Variants in WDR27 observed in about 807,000 individuals in gnomAD.
WDR27 encodes the protein WD repeat domain 27, also known as WD repeat-containing protein 27.
WDR27 carries 100 observed loss-of-function variants against 114.4 expected under a neutral mutation model. That is an observed-to-expected ratio of 0.87 (90% confidence interval 0.74 to 1.03). The LOEUF is 1.03. Ranked by LOEUF, WDR27 falls within the 50% of genes least tolerant of loss-of-function variation. WDR27 has a pLI of 0.00. For synonymous variants in WDR27, 449 were observed against 423.1 expected, an observed-to-expected ratio of 1.06 and a Z score of -0.75; for missense variants, 1,129 against 1,092.9, an observed-to-expected ratio of 1.03 and a Z score of -0.47.
At chr6:169,653,350 G>A (rs1192066395) in intron 13 of WDR27, among the ~76,000 whole-genome samples, 2 of 152,022 alleles carry the variant, frequency 1.3e-5, no homozygotes, top group African/African-American at 2.4e-5. Context: ...TTTTTACATT[G>A]CACAACAATG....
chr6:169,595,654 C>T (rs914684604), intron 23 of WDR27, among the ~76,000 whole-genome samples: 1 of 152,082 alleles, frequency 6.6e-6, no homozygotes, highest in Non-Finnish European at 1.5e-5. Flanking sequence ...TAAACTATAA[C>T]AGATAGAATA....
chr6:169,551,001 C>A (rs566289844), intron 25 of WDR27, among the ~76,000 whole-genome samples: 19 of 152,240 alleles, frequency 1.2e-4, no homozygotes, highest in African/African-American at 4.6e-4. Context: ...CAGGTGTCAG[C>A]CACCGCACCT....
intron 2 of WDR27, among the ~76,000 whole-genome samples, chr6:169,685,819 T>G (rs1180129498): frequency 6.6e-6 from 1 of 152,200 alleles, no homozygotes; most frequent in African/African-American, 2.4e-5. Context: ...GTCTCAAGTC[T>G]TGGGAAAGAG....
At chr6:169,426,949 G>A in the WDR27 span, 1 of 142,516 alleles carries the variant, frequency 7.0e-6, no homozygotes, top group African/African-American at 2.6e-5. Context: ...AAGGGTCGTG[G>A]CAGTGCTGTG....
chr6:169,524,535 T>C lies in WDR27; in HGVS notation c.2645+47884A>G, dbSNP rs142989496. Among the ~76,000 whole-genome samples, 549 of 152,116 alleles carry C rather than the reference T, an allele frequency of 3.6e-3. 6 individuals carry two copies. The highest frequency in any genetic ancestry group is 0.014 in the Middle Eastern group (4 of 294). ...ACACTCACCTGACTTCAAAATATCC[T>C]CCAAATTTATAGTAACCAAATCAGC... On this transcript the variant is annotated intron_variant, in intron 25 of 25. Transcript: ENST00000448612.
At position 169,597,877 on chromosome 6, in the gene WDR27, TACACACACACACACAC is replaced by T. The variant is rs67336814; in HGVS notation, c.2424+4326_2424+4341del. On this transcript the variant is annotated intron_variant, in intron 23 of 25. Coordinates refer to ENST00000448612, the MANE Select transcript of WDR27 (RefSeq NM_182552.5). ...GCACAACTTCACCTCTTACCATTCA[TACACACACACACACAC>T]ACACACACACACACACACACACACA... is the stretch of plus-strand genomic sequence containing the variant. Among the ~76,000 whole-genome samples, 19 of 142,290 alleles carry T rather than the reference TACACACACACACACAC, an allele frequency of 1.3e-4. No individual in the cohort carries two copies. The South Asian group carries it at 1.4e-3, about 11-fold the overall frequency. 93.3% of individuals were successfully genotyped at this position (142,290 alleles called of 152,430 possible).
At chr6:169,549,358 G>A (rs998218419) in intron 25 of WDR27, among the ~76,000 whole-genome samples, 4 of 152,134 alleles carry the variant, frequency 2.6e-5, no homozygotes, top group African/African-American at 7.2e-5. Context: ...CTAAAGTCCA[G>A]AACATGGAAA....
intron 24 of WDR27, among the ~76,000 whole-genome samples, chr6:169,578,215 C>T (rs577061264): frequency 3.3e-5 from 5 of 152,236 alleles, no homozygotes; most frequent in Admixed American, 2.6e-4. Context: ...CCTGGAATAA[C>T]GGCGCCCACA....
chr6:169,558,898 C>T (rs1409737544), intron 25 of WDR27: 2 of 152,182 alleles, frequency 1.3e-5, no homozygotes, highest in Non-Finnish European at 2.9e-5. Context: ...GAGTAAGTTA[C>T]TTACATTTGA....
chr6:169,432,694 C>A, the WDR27 span, among the ~76,000 whole-genome samples: 1 of 152,156 alleles, frequency 6.6e-6, no homozygotes, highest in Non-Finnish European at 1.5e-5. Context: ...TTATAAATTA[C>A]CCTGTCTCAG....
downstream of WDR27, among the ~76,000 whole-genome samples, chr6:169,453,891 C>T (rs947004691): frequency 8.5e-5 from 13 of 152,194 alleles, no homozygotes; most frequent in Admixed American, 7.2e-4. Flanking sequence ...TAACTGTCAG[C>T]TGTCCACTGG....
At chr6:169,638,742 T>A in intron 17 of WDR27, 82 bp from the exon 18 acceptor site, 1 of 1,497,902 alleles carries the variant, frequency 6.7e-7, no homozygotes, top group East Asian at 2.5e-5. Flanking sequence ...GGTACTTTCA[T>A]ACAACACAAC....
intron 24 of WDR27, among the ~76,000 whole-genome samples, chr6:169,576,092 C>T (rs939513356): frequency 6.6e-6 from 1 of 152,220 alleles, no homozygotes; most frequent in African/African-American, 2.4e-5. Flanking sequence ...CTTCTATAGA[C>T]AGAGACAGCA....
At chr6:169,624,828 G>A (rs988351381) in intron 21 of WDR27, among the ~76,000 whole-genome samples, 1 of 152,120 alleles carries the variant, frequency 6.6e-6, no homozygotes, top group Non-Finnish European at 1.5e-5. Flanking sequence ...TGAAAAATTC[G>A]AGATGTGTGT....
At chr6:169,430,882 C>G in the WDR27 span, among the ~76,000 whole-genome samples, 1 of 152,142 alleles carries the variant, frequency 6.6e-6, no homozygotes, top group African/African-American at 2.4e-5. Flanking sequence ...ATAGGCGGCC[C>G]CTCTCAAGTG....
chr6:169,678,357 C>G (rs1015971634), intron 2 of WDR27, among the ~76,000 whole-genome samples: 7 of 152,180 alleles, frequency 4.6e-5, no homozygotes, highest in Non-Finnish European at 1.0e-4. Flanking sequence ...TAATGACTGT[C>G]CTGCTGGGTT....
At chr6:169,513,676 T>G (rs1349490654) in intron 25 of WDR27, among the ~76,000 whole-genome samples, 1 of 152,244 alleles carries the variant, frequency 6.6e-6, no homozygotes, top group African/African-American at 2.4e-5. Context: ...TAATTACTTA[T>G]AAACAATGTG....
intron 25 of WDR27, among the ~76,000 whole-genome samples, chr6:169,571,255 A>G (rs1209983524): frequency 8.4e-6 from 1 of 118,882 alleles, no homozygotes; most frequent in Non-Finnish European, 1.6e-5. Context: ...TAGTCAGAAA[A>G]AAATTAAAAA....
intron 25 of WDR27, among the ~76,000 whole-genome samples, chr6:169,531,238 A>C (rs1282875160): frequency 6.6e-6 from 1 of 152,238 alleles, no homozygotes; most frequent in Admixed American, 6.5e-5. Context: ...AGAGTTAGGA[A>C]GCAAGGAAGT....
Sources: allele counts gnomAD v4.1 joint callset (sites outside exome capture counted in the v4.1 genomes callset), GRCh38; gene constraint gnomAD v4.1.1; transcripts MANE v1.5; gene names NCBI Gene and HGNC (gene_info 2026-07-23, HGNC 2026-07-21).